The following OPRK1 variants were observed in gnomAD, a reference collection of about 807,000 sequenced individuals.
The protein encoded by OPRK1 is kappa-type opioid receptor.
In OPRK1, 15 loss-of-function variants were observed where a neutral mutation model predicts 24.5. That is an observed-to-expected ratio of 0.61 (90% CI 0.41 to 0.94). The LOEUF (loss-of-function observed/expected upper bound fraction) is 0.94, where lower values mean the gene tolerates loss of function less well. Ranked by LOEUF, OPRK1 falls within the 40% of genes least tolerant of loss-of-function variation. The pLI is 0.00. For missense variants in OPRK1, 479 were observed against 507.3 expected, an observed-to-expected ratio of 0.94 and a Z score of 0.54; for synonymous variants, 205 against 198.0, an observed-to-expected ratio of 1.04 and a Z score of -0.30.
In OPRK1 at chr8:53,226,549, G is replaced by A. The variant is rs1285536279; in HGVS notation, c.*2748C>T. ...CCTCCTTGTTGAGGTCAGAGAATAG[G>A]AACATCAAGAAATGAGAGATATCAG... is the stretch of plus-strand genomic sequence containing the variant. On this transcript the variant is annotated 3_prime_UTR_variant, in exon 4 of 4. Coordinates refer to ENST00000265572, the MANE Select transcript of OPRK1 (RefSeq NM_000912.5). 2 of 152,244 alleles carry A rather than the reference G, an allele frequency of 1.3e-5. No homozygotes were observed. Among genetic ancestry groups the A allele is most frequent in the Admixed American group, 6.5e-5 (1 of 15,282 alleles). The allele number at this position is 152,244 out of a possible 1,614,324, so 9.4% of individuals were successfully genotyped here.
intron 3 of OPRK1, among the ~76,000 whole-genome samples, chr8:53,232,288 C>T (rs775885032): frequency 4.6e-5 from 7 of 151,572 alleles, no homozygotes; most frequent in Admixed American, 2.6e-4. Flanking sequence ...TTAATGCATA[C>T]GAAATACGCT....
Position 53,245,994 on chromosome 8 carries a change from TG to T in OPRK1, c.257+4786del, listed in dbSNP as rs1435135127. ...CACAGTCACCTATGCCATTTTTTTG[TG>T]AGAAATTTCTTAACATGGACATCCT... is the stretch of plus-strand genomic sequence containing the variant. On this transcript the variant is annotated intron_variant, in intron 2 of 3. Transcript: ENST00000265572. Among the ~76,000 whole-genome samples, 7 of 152,288 alleles carry T rather than the reference TG, an allele frequency of 4.6e-5. No individual in the cohort carries two copies. The South Asian group carries it at 1.0e-3, about 23-fold the overall frequency.
rs1187720801 is a variant in OPRK1 at position 53,227,516 on chromosome 8, A to AT, written c.*1780dup. 1 of 152,196 alleles carries AT rather than the reference A, an allele frequency of 6.6e-6. No homozygotes were observed. The highest frequency in any genetic ancestry group is 1.9e-4 in the East Asian group (1 of 5,186). The allele number at this position is 152,196 out of a possible 1,614,324, so 9.4% of individuals were successfully genotyped here. A position where few individuals can be genotyped will look rare whatever the true frequency, so the allele number is the denominator to read the frequency against. On this transcript the variant is annotated 3_prime_UTR_variant, in exon 4 of 4. Transcript: ENST00000265572. ...AACTATGGGATTAGTGTAAACCAGTATTTAAGCAATTCCTATTTACATTCA... is the reference window on the plus strand; with the variant it reads ...AACTATGGGATTAGTGTAAACCAGTATTTTAAGCAATTCCTATTTACATTCA...
chr8:53,240,960 A>C (rs1013078271), intron 2 of OPRK1, among the ~76,000 whole-genome samples: 10 of 152,138 alleles, frequency 6.6e-5, no homozygotes, highest in African/African-American at 2.4e-4. Context: ...TAATATATGT[A>C]ATTTTTATTT....
chr8:53,235,012 G>A lies in OPRK1; in HGVS notation c.357C>T (p.Tyr119=), dbSNP rs1437836752. The change falls in exon 3 of 4, where the codon TAC becomes TAT. Residue 119 remains tyrosine, a synonymous_variant. Transcript: ENST00000265572. The stretch of plus-strand genomic sequence containing the variant: ...CCCCAAAAGGCCAGGAATTCATCAA[G>A]TAGACCGTACTCTGAAAGGGCATGG... The part of the protein sequence containing the change: ...TTTMPFQSTV[Y]LMNSWPFGDV... 2.5e-6 allele frequency: 4 copies of A among 1,614,212 alleles called. No individual in the cohort carries two copies. The highest frequency in any genetic ancestry group is 1.1e-5 in the South Asian group (1 of 91,080).
At chr8:53,239,121 C>G (rs1411531171) in intron 2 of OPRK1, among the ~76,000 whole-genome samples, 1 of 152,208 alleles carries the variant, frequency 6.6e-6, no homozygotes, top group African/African-American at 2.4e-5. Context: ...TTCTCTTGCA[C>G]TTGTCCCCTA....
At position 53,229,313 on chromosome 8, in the gene OPRK1, A is replaced by G. The variant is rs758599432; in HGVS notation, c.1127T>C (p.Met376Thr). 11 of 1,613,608 alleles carry G rather than the reference A, an allele frequency of 6.8e-6. No homozygotes were observed. Among genetic ancestry groups the G allele is most frequent in the Non-Finnish European group, 9.3e-6 (11 of 1,179,752 alleles). Residue 376 changes from methionine to threonine, a missense_variant, in exon 4 of 4, where the codon ATG becomes ACG. By Grantham distance (81) the Met-to-Thr change is moderately conservative. Transcript: ENST00000265572. ...DPAYLRDIDG[M>T]NKPV ...CACGACTAGTCATACTGGTTTATTC[A>G]TCCCATCGATGTCCCTCAGGTAAGC...
At chr8:53,249,380 G>T (rs1267929439) in intron 2 of OPRK1, among the ~76,000 whole-genome samples, 1 of 152,126 alleles carries the variant, frequency 6.6e-6, no homozygotes, top group South Asian at 2.1e-4. Flanking sequence ...TCTCTTTAGT[G>T]GAGGCCAGCC....
intron 3 of OPRK1, 148 bp downstream of exon 3, chr8:53,234,611 T>G: frequency 1.5e-6 from 1 of 665,688 alleles, no homozygotes; most frequent in South Asian, 2.0e-5. Flanking sequence ...ATTGTTCTAC[T>G]TCTCATCTTC....
rs199572851 is a variant in OPRK1 at position 53,229,130 on chromosome 8, T to C, written c.*167A>G. ...GACCTTTTGTCCTTGATGTTTCCAC[T>C]GATCACGAACGTGGTCTGCATCTGA... On this transcript the variant is annotated 3_prime_UTR_variant, in exon 4 of 4. Coordinates refer to ENST00000265572, the MANE Select transcript of OPRK1 (RefSeq NM_000912.5). 2.6e-5 allele frequency: 20 copies of C among 755,994 alleles called. No homozygotes were observed. Among genetic ancestry groups the C allele is most frequent in the Middle Eastern group, 3.9e-4 (1 of 2,540 alleles). 46.8% of individuals were successfully genotyped at this position (755,994 alleles called of 1,614,324 possible).
At chr8:53,230,155 A>C (rs1806817626) in intron 3 of OPRK1, among the ~76,000 whole-genome samples, 1 of 151,748 alleles carries the variant, frequency 6.6e-6, no homozygotes, top group African/African-American at 2.4e-5. Flanking sequence ...GTAAAGAGTT[A>C]ATGTATACCA....
At position 53,234,879 on chromosome 8, in the gene OPRK1, C is replaced by G; in HGVS notation, c.490G>C (p.Val164Leu). 1 of 1,614,126 alleles carries G rather than the reference C, an allele frequency of 6.2e-7. No homozygotes were observed. Among genetic ancestry groups the G allele is most frequent in the Non-Finnish European group, 8.5e-7 (1 of 1,180,022 alleles). ...GGTGTGCGGAAGTCCAAAGCCTTCA[C>G]GGGGTGGCACACGGCAATGTAGCGG... ...VDRYIAVCHP[V>L]KALDFRTPLK... The change falls in exon 3 of 4, where the codon GTG becomes CTG. Residue 164 changes from valine (V) to leucine (L), a missense_variant. Coordinates refer to ENST00000265572, the MANE Select transcript of OPRK1 (RefSeq NM_000912.5).
In OPRK1 at chr8:53,250,936, G is replaced by T; in HGVS notation, c.102C>A (p.Ala34=). Reference sequence around the variant, plus strand: ...CGGCGCTGCCGTTGCTGTCGGGCTCGGCCCAGCCGGGAAACCAGGCGCTGC... The same window carrying T: ...CGGCGCTGCCGTTGCTGTCGGGCTCTGCCCAGCCGGGAAACCAGGCGCTGC... ...PNSSAWFPGW[A]EPDSNGSAGS... The change falls in exon 2 of 4, where the codon GCC becomes GCA. Residue 34 remains alanine, a synonymous_variant. Coordinates refer to ENST00000265572, the MANE Select transcript of OPRK1 (RefSeq NM_000912.5). The T allele has an allele frequency of 6.2e-7, 1 of 1,610,974 alleles. No individual in the cohort carries two copies.
At position 53,234,803 on chromosome 8, in the gene OPRK1, A is replaced by G. The variant is rs1806948901; in HGVS notation, c.566T>C (p.Val189Ala). 1 of 1,614,070 alleles carries G rather than the reference A, an allele frequency of 6.2e-7. No homozygotes were observed. Among genetic ancestry groups the G allele is most frequent in the Admixed American group, 1.7e-5 (1 of 60,006 alleles). ...NICIWLLSSS[V>A]GISAIVLGGT... ...TCCAAGGACTATTGCAGAGATGCCA[A>G]CAGATGACGACAGCAGCCAGATGCA... The change falls in exon 3 of 4, where the codon GTT (valine) becomes GCT (alanine). Residue 189 changes from valine to alanine, a missense_variant. Physicochemically the swap from Val to Ala is moderately conservative, Grantham distance 64 (BLOSUM62 0). Coordinates refer to ENST00000265572, the MANE Select transcript of OPRK1 (RefSeq NM_000912.5).
rs1237144575 is a variant in OPRK1 at position 53,227,073 on chromosome 8, C to T, written c.*2224G>A. The T allele has an allele frequency of 2.0e-5, 3 of 152,394 alleles. No individual in the cohort carries two copies. Among genetic ancestry groups the T allele is most frequent in the South Asian group, 2.1e-4 (1 of 4,828 alleles). 9.4% of individuals were successfully genotyped at this position (152,394 alleles called of 1,614,324 possible). ...AGGAGTTTGAGACCAGCCTGCATAA[C>T]ATGGTGAAACCCCGTCTCTACTAAA... On this transcript the variant is annotated 3_prime_UTR_variant, in exon 4 of 4. Transcript: ENST00000265572.
intron 3 of OPRK1, among the ~76,000 whole-genome samples, chr8:53,230,794 T>G (rs1051215339): frequency 5.9e-5 from 9 of 152,178 alleles, no homozygotes; most frequent in African/African-American, 1.9e-4. Context: ...AGAGCTCTCT[T>G]TGCCCTGGTC....
At chr8:53,245,168 T>C (rs1334506177) in intron 2 of OPRK1, among the ~76,000 whole-genome samples, 1 of 152,214 alleles carries the variant, frequency 6.6e-6, no homozygotes, top group Non-Finnish European at 1.5e-5. Context: ...GTTGAATCCA[T>C]GGATGCAGAA....
chr8:53,250,079 A>G (rs1045966820), intron 2 of OPRK1, among the ~76,000 whole-genome samples: 5 of 150,726 alleles, frequency 3.3e-5, no homozygotes, highest in Admixed American at 3.3e-4. Context: ...CCACACACAC[A>G]CACACACACA....
chr8:53,241,258 AACTT>A (rs1239649581), intron 2 of OPRK1, among the ~76,000 whole-genome samples: 27 of 152,244 alleles, frequency 1.8e-4, no homozygotes, highest in African/African-American at 6.5e-4. Flanking sequence ...TTTTCAGTGG[AACTT>A]ACTTAAAAAC....
Sources: allele counts gnomAD v4.1 joint callset (sites outside exome capture counted in the v4.1 genomes callset), GRCh38; gene constraint gnomAD v4.1.1; transcripts MANE v1.5; gene names NCBI Gene and HGNC (gene_info 2026-07-23, HGNC 2026-07-21).